The following MACROD2 variants were observed in gnomAD, a reference collection of about 807,000 sequenced individuals.
The protein encoded by MACROD2 is ADP-ribose glycohydrolase MACROD2.
In MACROD2, 36 loss-of-function variants were observed where a neutral mutation model predicts 70.4. The ratio of observed to expected loss-of-function variants is 0.51; its 90% CI spans 0.39 to 0.68. The LOEUF (loss-of-function observed/expected upper bound fraction) is 0.68, where lower values mean the gene tolerates loss of function less well. Ranked by LOEUF, MACROD2 falls within the 30% of genes least tolerant of loss-of-function variation. MACROD2 has a pLI of 0.00. For synonymous variants in MACROD2, 172 were observed against 178.8 expected (o/e 0.96, Z 0.30); for missense variants, 496 against 538.4 (o/e 0.92, Z 0.78).
intron 5 of MACROD2, among the ~76,000 whole-genome samples, chr20:15,201,749 C>CTTTGTTTTT (rs2076657873): frequency 6.6e-6 from 1 of 152,172 alleles, no homozygotes; most frequent in Non-Finnish European, 1.5e-5. Flanking sequence ...AAAGGGTGTC[C>CTTTGTTTTT]ATCTCTGATG....
At chr20:14,672,424 A>G (rs910278697) in intron 4 of MACROD2, among the ~76,000 whole-genome samples, 5 of 152,190 alleles carry the variant, frequency 3.3e-5, no homozygotes, top group South Asian at 2.1e-4. Context: ...GCCTCATTCT[A>G]TTGACCAAAG....
At chr20:15,792,565 T>C (rs2063634530) in intron 8 of MACROD2, among the ~76,000 whole-genome samples, 1 of 152,158 alleles carries the variant, frequency 6.6e-6, no homozygotes, top group Non-Finnish European at 1.5e-5. Flanking sequence ...AAGAGGACCA[T>C]CTTTGCCTTC....
At chr20:14,930,863 T>TA (rs11448674) in intron 5 of MACROD2, among the ~76,000 whole-genome samples, 62,653 of 120,116 alleles carry the variant, frequency 0.52, 15,430 homozygotes, top group South Asian at 0.7. Context: ...TTTTTTTAAG[T>TA]AAAAAAAAAA....
intron 2 of MACROD2, among the ~76,000 whole-genome samples, chr20:14,053,899 T>C (rs1185725719): frequency 6.6e-6 from 1 of 152,118 alleles, no homozygotes; most frequent in East Asian, 1.9e-4. Context: ...TGTTGTAATA[T>C]TAAGGATATT....
intron 3 of MACROD2, among the ~76,000 whole-genome samples, chr20:14,162,573 G>C (rs1297884848): frequency 1.3e-5 from 2 of 151,844 alleles, no homozygotes; most frequent in Admixed American, 6.6e-5. Flanking sequence ...ATTTAGAATT[G>C]TTATATTCTC....
intron 4 of MACROD2, among the ~76,000 whole-genome samples, chr20:14,551,146 A>C (rs1049840196): frequency 2.0e-5 from 3 of 152,120 alleles, no homozygotes; most frequent in Non-Finnish European, 4.4e-5. Context: ...CAGTCTTTCT[A>C]TGCAATTTTA....
intron 10 of MACROD2, among the ~76,000 whole-genome samples, chr20:15,913,960 C>T (rs750886435): frequency 2.6e-5 from 4 of 152,114 alleles, no homozygotes; most frequent in Non-Finnish European, 4.4e-5. Context: ...AATCATTTCT[C>T]CTAAGTGAAA....
chr20:15,001,356 A>G (rs1201517806), intron 5 of MACROD2, among the ~76,000 whole-genome samples: 1 of 152,140 alleles, frequency 6.6e-6, no homozygotes, highest in Non-Finnish European at 1.5e-5. Context: ...ACCACTATCC[A>G]AAGGATAAAA....
intron 4 of MACROD2, among the ~76,000 whole-genome samples, chr20:14,562,538 G>A (rs1288885222): frequency 6.6e-6 from 1 of 151,730 alleles, no homozygotes; most frequent in African/African-American, 2.4e-5. Context: ...CAACACATTT[G>A]TCAGGGATAG....
chr20:14,417,078 T>TATC (rs1224798048), intron 3 of MACROD2, among the ~76,000 whole-genome samples: 1 of 42,410 alleles, frequency 2.4e-5, no homozygotes, highest in African/African-American at 9.7e-5. Context: ...TCTATCTATC[T>TATC]ATCTATCTAT....
At chr20:14,271,647 T>G (rs2082197273) in intron 3 of MACROD2, among the ~76,000 whole-genome samples, 1 of 152,186 alleles carries the variant, frequency 6.6e-6, no homozygotes, top group South Asian at 2.1e-4. Flanking sequence ...GAATGGAGAA[T>G]GACTTTGACG....
rs564309106 is a variant in MACROD2 at position 14,489,135 on chromosome 20, G to A, written c.272-4344G>A. 3.9e-5 allele frequency among the ~76,000 whole-genome samples: 6 copies of A among 152,242 alleles called. No individual in the cohort carries two copies. The South Asian group carries it at 1.2e-3, about 32-fold the overall frequency. ...AGTATTAATCATGTGTTTATGCCTG[G>A]TTTCTACATGTGAATCCGTTAAGCC... On this transcript the variant is annotated intron_variant, in intron 3 of 17. Transcript: ENST00000684519.
intron 5 of MACROD2, among the ~76,000 whole-genome samples, chr20:14,768,159 T>C (rs1405519523): frequency 6.6e-6 from 1 of 152,070 alleles, no homozygotes; most frequent in Non-Finnish European, 1.5e-5. Flanking sequence ...TACCCAGTAA[T>C]GGGATGGCTG....
At chr20:14,949,016 T>C (rs1296191271) in intron 5 of MACROD2, among the ~76,000 whole-genome samples, 2 of 152,172 alleles carry the variant, frequency 1.3e-5, no homozygotes, top group African/African-American at 4.8e-5. Flanking sequence ...CATTCTGAGA[T>C]ATTCTGAAAT....
At chr20:14,339,614 A>T (rs1024712922) in intron 3 of MACROD2, among the ~76,000 whole-genome samples, 5 of 152,184 alleles carry the variant, frequency 3.3e-5, no homozygotes, top group African/African-American at 1.2e-4. Flanking sequence ...TCAAAAATAA[A>T]TTGTACTGGC....
chr20:15,331,372 C>T (rs1322306131), intron 6 of MACROD2, among the ~76,000 whole-genome samples: 5 of 151,556 alleles, frequency 3.3e-5, no homozygotes, highest in Non-Finnish European at 5.9e-5. Context: ...TATTAATGAA[C>T]CACATGCCAA....
intron 5 of MACROD2, among the ~76,000 whole-genome samples, chr20:14,899,649 A>G (rs1468918251): frequency 6.6e-6 from 1 of 152,170 alleles, no homozygotes; most frequent in Non-Finnish European, 1.5e-5. Context: ...TGTAAAGATC[A>G]TATCTCCAAA....
intron 4 of MACROD2, among the ~76,000 whole-genome samples, chr20:14,552,666 C>G (rs1357936154): frequency 1.3e-5 from 2 of 152,068 alleles, no homozygotes; most frequent in Non-Finnish European, 2.9e-5. Context: ...ATGGTATAGC[C>G]TGCTGCTCCT....
At chr20:15,575,766 A>G (rs1352277156) in intron 8 of MACROD2, among the ~76,000 whole-genome samples, 1 of 152,202 alleles carries the variant, frequency 6.6e-6, no homozygotes, top group Non-Finnish European at 1.5e-5. Context: ...CAGACTGGGC[A>G]CATCCATGTA....
Sources: gnomAD v4.1 joint callset for allele counts (sites outside exome capture counted in the v4.1 genomes callset) on GRCh38, gnomAD v4.1.1 for gene constraint, MANE v1.5 for transcripts, NCBI Gene and HGNC (gene_info 2026-07-23, HGNC 2026-07-21) for gene names.